PPP2R5A: variants seen among roughly 807,000 people sequenced by gnomAD.
PPP2R5A encodes the protein protein phosphatase 2 regulatory subunit B'alpha, also known as serine/threonine-protein phosphatase 2A 56 kDa regulatory subunit alpha isoform.
In PPP2R5A, 25 loss-of-function variants were observed where a neutral mutation model predicts 64.2. The ratio of observed to expected loss-of-function variants is 0.39; its 90% CI spans 0.28 to 0.54. PPP2R5A has a LOEUF of 0.54. Ranked by LOEUF, PPP2R5A falls within the 20% of genes least tolerant of loss-of-function variation. The pLI is 0.67. For synonymous variants in PPP2R5A, 198 were observed against 201.2 expected (o/e 0.98, Z 0.13); for missense variants, 425 against 576.3 (o/e 0.74, Z 2.69).
chr1:212,299,587 A>T (rs953923397), intron 1 of PPP2R5A: 1 of 152,210 alleles, frequency 6.6e-6, no homozygotes, highest in Admixed American at 6.5e-5. Flanking sequence ...ATAAAAGTCA[A>T]TTGGGCTAAT....
chr1:212,359,331 C>T (rs192098706), intron 12 of PPP2R5A, among the ~76,000 whole-genome samples: 6 of 152,250 alleles, frequency 3.9e-5, no homozygotes, highest in Non-Finnish European at 8.8e-5. Flanking sequence ...CAGCATAGTT[C>T]TCCTTTGGGA....
At chr1:212,293,313 A>G (rs753509820) in intron 1 of PPP2R5A, among the ~76,000 whole-genome samples, 2 of 152,230 alleles carry the variant, frequency 1.3e-5, no homozygotes, top group African/African-American at 2.4e-5. Context: ...CTAGACATGG[A>G]CATGTGTGTA....
chr1:212,359,830 A>G (rs1236112442), intron 12 of PPP2R5A, among the ~76,000 whole-genome samples: 1 of 152,198 alleles, frequency 6.6e-6, no homozygotes, highest in African/African-American at 2.4e-5. Flanking sequence ...AGCCTCAGGA[A>G]GCAATGGGAA....
At chr1:212,325,572 T>C (rs1366914988) in intron 1 of PPP2R5A, among the ~76,000 whole-genome samples, 1 of 152,098 alleles carries the variant, frequency 6.6e-6, no homozygotes, top group Non-Finnish European at 1.5e-5. Context: ...AGGGCTAAAA[T>C]ATATCTTAAA....
chr1:212,341,875 C>T (rs1472418385), intron 3 of PPP2R5A, among the ~76,000 whole-genome samples: 4 of 152,138 alleles, frequency 2.6e-5, no homozygotes, highest in Non-Finnish European at 5.9e-5. Flanking sequence ...GTAGCTGGGA[C>T]AACAGACATA....
chr1:212,347,546 T>A, intron 6 of PPP2R5A, 140 bp downstream of exon 6: 1 of 610,106 alleles, frequency 1.6e-6, no homozygotes, highest in Non-Finnish European at 2.7e-6. Flanking sequence ...TGAAGTCTTT[T>A]TTTTTTTTTT....
In PPP2R5A at chr1:212,329,190, T is replaced by C. The variant is rs1427938957; in HGVS notation, c.237T>C (p.Cys79=). The C allele has an allele frequency of 2.5e-6, 4 of 1,612,300 alleles. No individual in the cohort carries two copies. Among genetic ancestry groups the C allele is most frequent in the Non-Finnish European group, 3.4e-6 (4 of 1,179,424 alleles). ...ELFCQKLQQC[C]ILFDFMDSVS... ...TCTGTCAGAAGTTGCAGCAGTGTTGTATACTGTTTGATTTCATGGACTCTG... is the reference window on the plus strand; with the variant it reads ...TCTGTCAGAAGTTGCAGCAGTGTTGCATACTGTTTGATTTCATGGACTCTG... The change falls in exon 2 of 13, where the codon TGT becomes TGC. Residue 79 remains cysteine (C), a synonymous_variant. Transcript: ENST00000261461.
chr1:212,344,586 T>C (rs757812358), intron 4 of PPP2R5A, among the ~76,000 whole-genome samples: 1 of 152,238 alleles, frequency 6.6e-6, no homozygotes, highest in African/African-American at 2.4e-5. Context: ...ATAAAATTCC[T>C]TGACAGCTTT....
intron 8 of PPP2R5A, among the ~76,000 whole-genome samples, chr1:212,350,906 G>A (rs1659863711): frequency 6.6e-6 from 1 of 151,616 alleles, no homozygotes; most frequent in Non-Finnish European, 1.5e-5. Context: ...GGGAGGCCGA[G>A]GCAGGCGGAT....
chr1:212,302,786 T>C (rs1205703000), intron 1 of PPP2R5A, among the ~76,000 whole-genome samples: 3 of 152,226 alleles, frequency 2.0e-5, no homozygotes, highest in African/African-American at 7.2e-5. Flanking sequence ...TTAATTTACT[T>C]TCCGTCTCTA....
At chr1:212,322,390 C>T (rs993638615) in intron 1 of PPP2R5A, among the ~76,000 whole-genome samples, 1 of 152,100 alleles carries the variant, frequency 6.6e-6, no homozygotes, top group Non-Finnish European at 1.5e-5. Context: ...TTTTTTCTTA[C>T]GAGAAAATTC....
intron 3 of PPP2R5A, chr1:212,333,847 G>T: frequency 3.2e-6 from 1 of 310,228 alleles, no homozygotes; most frequent in South Asian, 1.1e-4. Flanking sequence ...CATTCGCCAT[G>T]TTATACAACC....
chr1:212,294,382 G>A (rs1658655002), intron 1 of PPP2R5A, among the ~76,000 whole-genome samples: 1 of 152,150 alleles, frequency 6.6e-6, no homozygotes, highest in African/African-American at 2.4e-5. Flanking sequence ...AGGCTTTTCT[G>A]AAGAAAAATA....
At chr1:212,329,587 A>ATT (rs1017469400) in intron 2 of PPP2R5A, among the ~76,000 whole-genome samples, 4 of 152,162 alleles carry the variant, frequency 2.6e-5, no homozygotes, top group African/African-American at 9.7e-5. Flanking sequence ...TAGGCCTGGG[A>ATT]TTATACAGAT....
chr1:212,354,020 T>C (rs1410940313), intron 8 of PPP2R5A, among the ~76,000 whole-genome samples: 1 of 151,800 alleles, frequency 6.6e-6, no homozygotes, highest in Non-Finnish European at 1.5e-5. Context: ...CCGTCTCTAC[T>C]AAAAATACAA....
intron 1 of PPP2R5A, among the ~76,000 whole-genome samples, chr1:212,320,523 C>T (rs559249717): frequency 1.3e-3 from 190 of 151,554 alleles, no homozygotes; most frequent in African/African-American, 4.5e-3. Context: ...TAGGGGCGGC[C>T]GGGCAGAGGC....
chr1:212,345,327 AAAAAG>A (rs2102442687), intron 4 of PPP2R5A, among the ~76,000 whole-genome samples: 1 of 152,334 alleles, frequency 6.6e-6, no homozygotes, highest in South Asian at 2.1e-4. Context: ...GTAAATTCAC[AAAAAG>A]AAGTCTTAGT....
At chr1:212,313,832 C>T (rs1443392462) in intron 1 of PPP2R5A, 1 of 152,064 alleles carries the variant, frequency 6.6e-6, no homozygotes, top group Non-Finnish European at 1.5e-5. Flanking sequence ...ATGACTCTTC[C>T]CTTCTTCATG....
Position 212,355,065 on chromosome 1 carries a change from TC to T in PPP2R5A, c.928-1560del, listed in dbSNP as rs1342504770. The stretch of plus-strand genomic sequence containing the variant: ...TGACATATAACTGTATTTGTAGTCT[TC>T]TATGATCTTCAGTAAAGTTTTATGC... On this transcript the variant is annotated intron_variant, in intron 8 of 12. Transcript: ENST00000261461. Among the ~76,000 whole-genome samples, 4 of 152,244 alleles carry T rather than the reference TC, an allele frequency of 2.6e-5. No individual in the cohort carries two copies. In the East Asian group the frequency reaches 7.7e-4, roughly 29 times the overall value.
Sources: gnomAD v4.1 joint callset for allele counts (sites outside exome capture counted in the v4.1 genomes callset) on GRCh38, gnomAD v4.1.1 for gene constraint, MANE v1.5 for transcripts, NCBI Gene and HGNC (gene_info 2026-07-23, HGNC 2026-07-21) for gene names.